The following FBXL17 variants were observed in gnomAD, a reference collection of about 807,000 sequenced individuals.
FBXL17 encodes F-box/LRR-repeat protein 17.
Under a neutral mutation model 66.2 loss-of-function variants are expected in FBXL17, and 22 were observed. That is an observed-to-expected ratio of 0.33 (90% CI 0.24 to 0.47). FBXL17 has a LOEUF of 0.47. Ranked by LOEUF, FBXL17 falls within the 20% of genes least tolerant of loss-of-function variation. FBXL17 has a pLI of 1.00. For missense variants in FBXL17, 878 were observed against 948.2 expected (o/e 0.93, Z 0.97); for synonymous variants, 474 against 400.5 (o/e 1.18, Z -2.19).
At chr5:108,268,385 T>C (rs142555704) in intron 4 of FBXL17, among the ~76,000 whole-genome samples, 1 of 152,156 alleles carries the variant, frequency 6.6e-6, no homozygotes, top group East Asian at 1.9e-4. Context: ...TATCTCAAAG[T>C]ATAAGATTTA....
At chr5:108,036,698 C>G (rs1319566217) in intron 6 of FBXL17, among the ~76,000 whole-genome samples, 8 of 152,110 alleles carry the variant, frequency 5.3e-5, no homozygotes, top group Non-Finnish European at 1.5e-5. Context: ...ACTTTTCCGG[C>G]TACCATTCAT....
rs1750104797 is a variant in FBXL17 at position 107,915,692 on chromosome 5, A to C, written c.1823-34513T>G. ...AGAAGTAAAAGTAATTTTGGTACTT[A>C]TAATAAATCAACAGCTAAACAGGAG... On this transcript the variant is annotated intron_variant, in intron 7 of 8. Transcript: ENST00000542267. Among the ~76,000 whole-genome samples the C allele has an allele frequency of 3.3e-5, 5 of 152,236 alleles. No homozygotes were observed. In the South Asian group the frequency reaches 1.0e-3, roughly 32 times the overall value.
chr5:108,000,755 G>A (rs1014011188), intron 7 of FBXL17, among the ~76,000 whole-genome samples: 17 of 152,134 alleles, frequency 1.1e-4, no homozygotes, highest in Non-Finnish European at 2.5e-4. Context: ...GTGCATTAAT[G>A]TTAAATGATT....
At chr5:107,883,488 G>C (rs1748863259) in intron 7 of FBXL17, among the ~76,000 whole-genome samples, 1 of 151,934 alleles carries the variant, frequency 6.6e-6, no homozygotes, top group South Asian at 2.1e-4. Flanking sequence ...GGTGCGACGT[G>C]GGGTAGAAAT....
chr5:108,267,402 CAAATTT>C (rs1322088662), intron 4 of FBXL17, among the ~76,000 whole-genome samples: 1 of 151,878 alleles, frequency 6.6e-6, no homozygotes, highest in African/African-American at 2.4e-5. Context: ...AAGACATTAA[CAAATTT>C]AGGTGGTCTG....
chr5:107,981,265 T>A (rs1697277164), intron 7 of FBXL17, among the ~76,000 whole-genome samples: 1 of 152,214 alleles, frequency 6.6e-6, no homozygotes, highest in Admixed American at 6.5e-5. Context: ...AAATGAATCC[T>A]ATGGACTGGA....
At chr5:108,157,350 A>G (rs1053584562) in intron 6 of FBXL17, among the ~76,000 whole-genome samples, 1 of 152,002 alleles carries the variant, frequency 6.6e-6, no homozygotes, top group Non-Finnish European at 1.5e-5. Context: ...TCCGTGAACA[A>G]ATGTCCTAAA....
chr5:108,073,296 A>G (rs950298775), intron 6 of FBXL17, among the ~76,000 whole-genome samples: 1 of 152,132 alleles, frequency 6.6e-6, no homozygotes, highest in Non-Finnish European at 1.5e-5. Flanking sequence ...AGGGGTGAAG[A>G]GAATACATAT....
chr5:108,274,285 G>A lies in FBXL17; in HGVS notation c.1507-50057C>T, dbSNP rs530464229. Among the ~76,000 whole-genome samples, 20 of 151,642 alleles carry A rather than the reference G, an allele frequency of 1.3e-4. No homozygotes were observed. In the South Asian group the frequency reaches 2.3e-3, roughly 17 times the overall value. On this transcript the variant is annotated intron_variant, in intron 4 of 8. Transcript: ENST00000542267. Reference sequence around the variant, plus strand: ...TCGACCATAAGAGACGACCACGCCCGGGGGGGCCAGTTTAGAGACCTACCC... The same window carrying A: ...TCGACCATAAGAGACGACCACGCCCAGGGGGGCCAGTTTAGAGACCTACCC...
intron 3 of FBXL17, among the ~76,000 whole-genome samples, chr5:108,350,346 C>A (rs1747564365): frequency 6.6e-6 from 1 of 152,154 alleles, no homozygotes; most frequent in South Asian, 2.1e-4. Context: ...GGTTTTTGGA[C>A]TGGGGTATAC....
At chr5:107,972,131 C>T (rs913988945) in intron 7 of FBXL17, among the ~76,000 whole-genome samples, 1 of 152,056 alleles carries the variant, frequency 6.6e-6, no homozygotes, top group Non-Finnish European at 1.5e-5. Context: ...CACTCATAGC[C>T]CTGTGCACAG....
intron 1 of FBXL17, among the ~76,000 whole-genome samples, chr5:108,375,334 C>A (rs1749344344): frequency 6.6e-6 from 1 of 151,076 alleles, no homozygotes; most frequent in Admixed American, 6.6e-5. Flanking sequence ...TATGATCACA[C>A]CACTGCACTC....
At chr5:108,344,794 A>G (rs549563650) in intron 4 of FBXL17, among the ~76,000 whole-genome samples, 63 of 152,364 alleles carry the variant, frequency 4.1e-4, no homozygotes, top group African/African-American at 1.5e-3. Flanking sequence ...CTATATGCTC[A>G]AACTAAATAT....
At chr5:108,367,558 T>C (rs1748745008) in intron 2 of FBXL17, among the ~76,000 whole-genome samples, 1 of 152,018 alleles carries the variant, frequency 6.6e-6, no homozygotes, top group Admixed American at 6.6e-5. Context: ...CAGAAAGAAG[T>C]TTAATAACTT....
intron 7 of FBXL17, among the ~76,000 whole-genome samples, chr5:107,925,690 T>C (rs886797023): frequency 9.2e-5 from 14 of 152,220 alleles, no homozygotes; most frequent in Non-Finnish European, 1.5e-4. Flanking sequence ...GCGCCAGTTG[T>C]CCACAGTAGT....
At chr5:108,207,555 C>A (rs1326675008) in intron 5 of FBXL17, among the ~76,000 whole-genome samples, 1 of 152,124 alleles carries the variant, frequency 6.6e-6, no homozygotes, top group Non-Finnish European at 1.5e-5. Flanking sequence ...GTTCAACTCC[C>A]ACTTACGAGT....
chr5:107,953,661 C>T (rs1751573103), intron 7 of FBXL17, among the ~76,000 whole-genome samples: 1 of 152,152 alleles, frequency 6.6e-6, no homozygotes. Context: ...AAGCCAGTTC[C>T]CATGACATCT....
chr5:108,295,383 C>T (rs975925368), intron 4 of FBXL17, among the ~76,000 whole-genome samples: 5 of 151,902 alleles, frequency 3.3e-5, no homozygotes, highest in African/African-American at 1.2e-4. Context: ...TATTAACACA[C>T]TTAATCCTCA....
chr5:108,019,158 C>A (rs1561370588), intron 7 of FBXL17, among the ~76,000 whole-genome samples: 1 of 152,052 alleles, frequency 6.6e-6, no homozygotes, highest in Non-Finnish European at 1.5e-5. Flanking sequence ...AGGTTAGGTA[C>A]CAGATACATA....
Sources: gnomAD v4.1 joint callset for allele counts (sites outside exome capture counted in the v4.1 genomes callset) on GRCh38, gnomAD v4.1.1 for gene constraint, MANE v1.5 for transcripts, NCBI Gene and HGNC (gene_info 2026-07-23, HGNC 2026-07-21) for gene names.